Variants in COL19A1 observed in about 807,000 individuals in gnomAD.
COL19A1 encodes the protein collagen type XIX alpha 1 chain, also known as collagen alpha-1(XIX) chain.
COL19A1 carries 159 observed loss-of-function variants against 190.2 expected under a neutral mutation model. That is an observed-to-expected ratio of 0.84 (90% CI 0.73 to 0.95). The LOEUF (loss-of-function observed/expected upper bound fraction) is 0.95. COL19A1 is among the 40% of genes least tolerant of loss of function. The pLI, the probability that COL19A1 is intolerant of heterozygous loss-of-function variation, is 0.00. For missense variants in COL19A1, 1,418 were observed against 1,431.9 expected, an observed-to-expected ratio of 0.99 and a Z score of 0.16; for synonymous variants, 509 against 458.9, an observed-to-expected ratio of 1.11 and a Z score of -1.39.
chr6:70,136,444 T>G (rs915842630), intron 18 of COL19A1, among the ~76,000 whole-genome samples: 1 of 152,172 alleles, frequency 6.6e-6, no homozygotes, highest in Non-Finnish European at 1.5e-5. Context: ...AGAATGCTAC[T>G]CATCTGTTAT....
intron 15 of COL19A1, among the ~76,000 whole-genome samples, chr6:70,089,150 A>G (rs1006920052): frequency 2.0e-5 from 3 of 152,168 alleles, no homozygotes; most frequent in Admixed American, 2.0e-4. Flanking sequence ...GATTTAAATC[A>G]TATTTCTTCA....
chr6:69,905,785 T>A (rs943641861), intron 4 of COL19A1, among the ~76,000 whole-genome samples: 7 of 152,214 alleles, frequency 4.6e-5, no homozygotes, highest in African/African-American at 1.7e-4. Flanking sequence ...TGAGGGGCTT[T>A]ATGTGTTTTG....
Position 70,163,326 on chromosome 6 carries a change from A to G in COL19A1, c.2347-17A>G. ...TAATTGTTGTTTCTGTAACAAACTT[A>G]GTTTTGTGTTTTACAGGGCTTAATG... is the stretch of plus-strand genomic sequence containing the variant. On this transcript the variant is annotated splice_polypyrimidine_tract_variant and intron_variant, in intron 35 of 50. Transcript: ENST00000620364. 6.2e-7 allele frequency: 1 copy of G among 1,610,282 alleles called. No individual in the cohort carries two copies. Among genetic ancestry groups the G allele is most frequent in the Non-Finnish European group, 8.5e-7 (1 of 1,177,918 alleles).
At position 70,176,553 on chromosome 6, in the gene COL19A1, G is replaced by A; in HGVS notation, c.2656G>A (p.Ala886Thr). ...DRGPAGPPGI[A>T]GMSGKPGAPG... is the part of the protein sequence containing the mutation. The stretch of plus-strand genomic sequence containing the variant: ...AGGCCCAGCAGGTCCCCCAGGAATA[G>A]CAGGGATGTCGGTGAGTTCAGATTA... The change falls in exon 42 of 51, where the codon GCA (alanine) becomes ACA (threonine). Residue 886 changes from alanine (A) to threonine (T), a missense_variant. Ala to Thr is a moderately conservative substitution (Grantham distance 58). Coordinates refer to ENST00000620364, the MANE Select transcript of COL19A1 (RefSeq NM_001858.6). 6.2e-7 allele frequency: 1 copy of A among 1,613,506 alleles called. No individual in the cohort carries two copies. Among genetic ancestry groups the A allele is most frequent in the Non-Finnish European group, 8.5e-7 (1 of 1,179,728 alleles).
chr6:70,170,219 G>C (rs1383984777), intron 40 of COL19A1, among the ~76,000 whole-genome samples: 3 of 152,052 alleles, frequency 2.0e-5, no homozygotes, highest in African/African-American at 7.2e-5. Context: ...TTACTCTTTT[G>C]GGTTCTCTGT....
At chr6:70,194,909 G>A (rs553799492) in intron 48 of COL19A1, among the ~76,000 whole-genome samples, 13 of 151,590 alleles carry the variant, frequency 8.6e-5, no homozygotes, top group Non-Finnish European at 1.2e-4. Flanking sequence ...GATTTCCAGT[G>A]TTCAGAAAAT....
intron 47 of COL19A1, 80 bp downstream of exon 47, chr6:70,188,325 C>T (rs1312767530): frequency 1.4e-6 from 2 of 1,439,632 alleles, no homozygotes; most frequent in African/African-American, 1.4e-5. Flanking sequence ...AATGATACTG[C>T]CTTTCAAATA....
At chr6:70,057,665 A>T (rs1270071715) in intron 14 of COL19A1, among the ~76,000 whole-genome samples, 2 of 152,116 alleles carry the variant, frequency 1.3e-5, no homozygotes, top group African/African-American at 2.4e-5. Context: ...AACGCAGGTT[A>T]TATTTCTTCT....
intron 10 of COL19A1, among the ~76,000 whole-genome samples, chr6:69,960,802 TG>T (rs1397082390): frequency 6.6e-6 from 1 of 151,950 alleles, no homozygotes; most frequent in African/African-American, 2.4e-5. Context: ...AATTTTTTTT[TG>T]TATTTTTTTA....
At chr6:69,976,390 C>CA (rs1448704328) in intron 11 of COL19A1, among the ~76,000 whole-genome samples, 14 of 152,124 alleles carry the variant, frequency 9.2e-5, no homozygotes, top group African/African-American at 3.4e-4. Context: ...TTTGTTTATT[C>CA]AATCATCCAT....
intron 2 of COL19A1, among the ~76,000 whole-genome samples, chr6:69,897,515 A>T (rs1335951793): frequency 6.6e-6 from 1 of 151,978 alleles, no homozygotes; most frequent in Non-Finnish European, 1.5e-5. Context: ...TTTAATTGGC[A>T]TTGCTCTGAA....
intron 41 of COL19A1, among the ~76,000 whole-genome samples, chr6:70,174,515 G>A (rs567321879): frequency 2.4e-4 from 36 of 151,886 alleles, no homozygotes; most frequent in African/African-American, 7.5e-4. Context: ...AGCCGAGATC[G>A]TGCCATTGTA....
intron 11 of COL19A1, among the ~76,000 whole-genome samples, chr6:69,969,242 T>C (rs1775286893): frequency 6.6e-6 from 1 of 152,234 alleles, no homozygotes; most frequent in African/African-American, 2.4e-5. Context: ...ATTTGTGTAA[T>C]ATTAATTCCT....
At chr6:70,097,340 T>A (rs1310174319) in intron 15 of COL19A1, among the ~76,000 whole-genome samples, 1 of 152,126 alleles carries the variant, frequency 6.6e-6, no homozygotes, top group Non-Finnish European at 1.5e-5. Context: ...ATAATGTCCT[T>A]GAGGTTCATC....
intron 14 of COL19A1, among the ~76,000 whole-genome samples, chr6:70,061,486 T>G (rs1780825076): frequency 6.6e-6 from 1 of 152,074 alleles, no homozygotes; most frequent in African/African-American, 2.4e-5. Flanking sequence ...TGTATGTGAG[T>G]TTGTACCATA....
chr6:70,190,609 C>T (rs1346702589), intron 48 of COL19A1, among the ~76,000 whole-genome samples: 1 of 152,202 alleles, frequency 6.6e-6, no homozygotes, highest in Non-Finnish European at 1.5e-5. Flanking sequence ...TAAAACAACA[C>T]AGGTAAAGTA....
intron 31 of COL19A1, among the ~76,000 whole-genome samples, chr6:70,154,263 C>T (rs1333129354): frequency 6.6e-6 from 1 of 152,094 alleles, no homozygotes; most frequent in Non-Finnish European, 1.5e-5. Flanking sequence ...CCAGCTTCAT[C>T]CATGTCCCTG....
chr6:70,180,555 C>T (rs371871395), intron 44 of COL19A1, 32 bp downstream of exon 44: 50 of 1,603,280 alleles, frequency 3.1e-5, no homozygotes, highest in Non-Finnish European at 3.7e-5. Context: ...AAATATGCCA[C>T]CTAGAGAAAT....
At chr6:70,173,189 G>A (rs1765596917) in intron 41 of COL19A1, among the ~76,000 whole-genome samples, 1 of 152,196 alleles carries the variant, frequency 6.6e-6, no homozygotes, top group African/African-American at 2.4e-5. Flanking sequence ...GGAGATATCT[G>A]TTAGACAGCA....
Sources: allele counts gnomAD v4.1 joint callset (sites outside exome capture counted in the v4.1 genomes callset), GRCh38; gene constraint gnomAD v4.1.1; transcripts MANE v1.5; gene names NCBI Gene and HGNC (gene_info 2026-07-23, HGNC 2026-07-21).